HAPLN1: variants seen among roughly 807,000 people sequenced by gnomAD.
The protein encoded by HAPLN1 is Cartilage link protein.
In HAPLN1, 13 loss-of-function variants were observed where a neutral mutation model predicts 36.5. The observed-to-expected ratio is 0.36, with a 90% confidence interval of 0.23 to 0.57. The LOEUF (loss-of-function observed/expected upper bound fraction) is 0.57. Ranked by LOEUF, HAPLN1 falls within the 20% of genes least tolerant of loss-of-function variation. HAPLN1 has a pLI of 0.83. For missense variants in HAPLN1, 407 were observed against 439.7 expected, an observed-to-expected ratio of 0.93 and a Z score of 0.66; for synonymous variants, 202 against 169.8, an observed-to-expected ratio of 1.19 and a Z score of -1.48.
chr5:83,697,724 G>A (rs1053209703), intron 1 of HAPLN1, among the ~76,000 whole-genome samples: 5 of 151,984 alleles, frequency 3.3e-5, no homozygotes, highest in Non-Finnish European at 7.4e-5. Context: ...TTTCATTATA[G>A]CCATCCTAGT....
intron 2 of HAPLN1, among the ~76,000 whole-genome samples, chr5:83,662,078 T>G (rs73133825): frequency 0.01 from 1,555 of 152,238 alleles, 31 homozygotes; most frequent in African/African-American, 0.034. Context: ...AATTTTTCTA[T>G]TTTTAGTAGA....
At chr5:83,678,380 A>G (rs1218225791) in intron 1 of HAPLN1, among the ~76,000 whole-genome samples, 2 of 152,186 alleles carry the variant, frequency 1.3e-5, no homozygotes, top group Non-Finnish European at 2.9e-5. Flanking sequence ...TGCTACATTT[A>G]TAAGAATTAA....
At chr5:83,652,960 C>T (rs907168930) in intron 2 of HAPLN1, 136 bp from the exon 3 acceptor site, 16 of 839,840 alleles carry the variant, frequency 1.9e-5, no homozygotes, top group Non-Finnish European at 2.5e-5. Flanking sequence ...TACGTAATCT[C>T]TTTTGAACCA....
At chr5:83,708,626 T>C (rs1751704960) in intron 1 of HAPLN1, among the ~76,000 whole-genome samples, 1 of 152,164 alleles carries the variant, frequency 6.6e-6, no homozygotes, top group African/African-American at 2.4e-5. Flanking sequence ...ACTTAGTATG[T>C]GGATGATGAA....
chr5:83,717,027 A>G (rs1751929078), intron 1 of HAPLN1, among the ~76,000 whole-genome samples: 1 of 152,032 alleles, frequency 6.6e-6, no homozygotes. Context: ...GCAAGACTCC[A>G]TCTCAAGGAA....
chr5:83,699,338 G>T (rs948084438), intron 1 of HAPLN1, among the ~76,000 whole-genome samples: 1 of 152,262 alleles, frequency 6.6e-6, no homozygotes, highest in South Asian at 2.1e-4. Flanking sequence ...CCTGAATGAC[G>T]CCTTCCAGCA....
At chr5:83,663,211 T>C (rs78065588) in intron 2 of HAPLN1, among the ~76,000 whole-genome samples, 4 of 152,208 alleles carry the variant, frequency 2.6e-5, no homozygotes, top group Admixed American at 2.0e-4. Flanking sequence ...GGATGAAGGC[T>C]GAAAAATAGC....
Position 83,639,679 on chromosome 5 carries a change from C to A in HAPLN1, c.*1817G>T, listed in dbSNP as rs1258866972. The A allele has an allele frequency of 6.6e-6, 1 of 152,000 alleles. No homozygotes were observed. The highest frequency in any genetic ancestry group is 1.5e-5 in the Non-Finnish European group (1 of 67,914). The allele number at this position is 152,000 out of a possible 1,614,324, so 9.4% of individuals were successfully genotyped here. ...TTTAGAAGTGCAAGTTCTATTTATA[C>A]CACCAGTGTTTGAGTTTAAACTTTA... is the stretch of plus-strand genomic sequence containing the variant. On this transcript the variant is annotated 3_prime_UTR_variant, in exon 5 of 5. Transcript: ENST00000274341.
At chr5:83,675,107 G>T (rs547038362) in intron 1 of HAPLN1, among the ~76,000 whole-genome samples, 44 of 152,042 alleles carry the variant, frequency 2.9e-4, no homozygotes, top group Non-Finnish European at 4.7e-4. Context: ...GCTTATTTTT[G>T]TTGTTGTTGT....
At chr5:83,677,098 TG>T (rs1750878502) in intron 1 of HAPLN1, among the ~76,000 whole-genome samples, 1 of 152,176 alleles carries the variant, frequency 6.6e-6, no homozygotes, top group Admixed American at 6.5e-5. Context: ...TATTAGGTAA[TG>T]GGGAGATCAA....
chr5:83,644,900 A>T (rs1024647968), intron 3 of HAPLN1, among the ~76,000 whole-genome samples: 12 of 152,174 alleles, frequency 7.9e-5, no homozygotes, highest in African/African-American at 2.9e-4. Context: ...GCTTTAGCTA[A>T]GAGTTCAACT....
rs572844229 is a variant in HAPLN1 at position 83,687,508 on chromosome 5, C to T, written c.-26-13959G>A. 1.6e-3 allele frequency among the ~76,000 whole-genome samples: 250 copies of T among 152,312 alleles called. 1 individual carries two copies. The highest frequency in any genetic ancestry group is 2.9e-3 in the Admixed American group (44 of 15,292). On this transcript the variant is annotated intron_variant, in intron 1 of 4. Coordinates refer to ENST00000274341, the MANE Select transcript of HAPLN1 (RefSeq NM_001884.4). ...AAATGGAATCTGTGTCCCTGAATAT[C>T]TCTCACCATTATAGCATCTAAACAA...
intron 3 of HAPLN1, 27 bp downstream of exon 3, chr5:83,652,426 C>T (rs375685031): frequency 2.1e-5 from 34 of 1,583,066 alleles, no homozygotes; most frequent in African/African-American, 1.5e-4. Context: ...ACCATTTATA[C>T]GTTGAACATG....
intron 1 of HAPLN1, among the ~76,000 whole-genome samples, chr5:83,678,457 G>T (rs1750914555): frequency 1.3e-5 from 2 of 152,078 alleles, no homozygotes; most frequent in Non-Finnish European, 2.9e-5. Flanking sequence ...AATATATTTT[G>T]TCATTATAAA....
rs1201746471 is a variant in HAPLN1, at chr5:83,639,309, T to G, written c.*2187A>C. 2.0e-5 allele frequency: 3 copies of G among 152,178 alleles called. No individual in the cohort carries two copies. The East Asian group carries it at 5.8e-4, about 29-fold the overall frequency. The allele number at this position is 152,178 out of a possible 1,614,324, so 9.4% of individuals were successfully genotyped here. On this transcript the variant is annotated 3_prime_UTR_variant, in exon 5 of 5. Coordinates refer to ENST00000274341, the MANE Select transcript of HAPLN1 (RefSeq NM_001884.4). ...TTTTTACACGAATGGAAAAATGATG[T>G]GTAAGTGGTATAGATTTTAATCAGC...
intron 4 of HAPLN1, among the ~76,000 whole-genome samples, chr5:83,642,510 A>AG (rs1749730686): frequency 4.6e-5 from 7 of 152,228 alleles, no homozygotes; most frequent in Admixed American, 2.6e-4. Flanking sequence ...GAATAGTGTT[A>AG]ATTACTGAGA....
intron 2 of HAPLN1, among the ~76,000 whole-genome samples, chr5:83,654,378 C>T (rs951005149): frequency 2.0e-5 from 3 of 152,276 alleles, no homozygotes; most frequent in South Asian, 2.1e-4. Flanking sequence ...TTCTTGATCT[C>T]ATTATTTAGG....
intron 1 of HAPLN1, chr5:83,674,626 C>G (rs947944197): frequency 2.0e-5 from 3 of 152,222 alleles, no homozygotes; most frequent in Non-Finnish European, 2.9e-5. Flanking sequence ...TTCTATTTCT[C>G]TCATGCACAC....
At chr5:83,671,697 A>C (rs1750728173) in intron 2 of HAPLN1, among the ~76,000 whole-genome samples, 1 of 152,244 alleles carries the variant, frequency 6.6e-6, no homozygotes, top group Non-Finnish European at 1.5e-5. Context: ...TATTTCATTT[A>C]CGGGCATAAC....
Sources: gnomAD v4.1 joint callset for allele counts (sites outside exome capture counted in the v4.1 genomes callset) on GRCh38, gnomAD v4.1.1 for gene constraint, MANE v1.5 for transcripts, NCBI Gene and HGNC (gene_info 2026-07-23, HGNC 2026-07-21) for gene names.